The following AMOTL1 variants were observed in gnomAD, a reference collection of about 807,000 sequenced individuals.
AMOTL1 encodes the protein angiomotin-like protein 1.
Under a neutral mutation model 102.9 loss-of-function variants are expected in AMOTL1, and 45 were observed. The ratio of observed to expected loss-of-function variants is 0.44; its 90% CI spans 0.34 to 0.56. The LOEUF (loss-of-function observed/expected upper bound fraction) is 0.56, where lower values mean the gene tolerates loss of function less well. Among genes scored for constraint, AMOTL1 ranks in the 20% least tolerant of loss-of-function variants. The pLI, the probability that AMOTL1 is intolerant of heterozygous loss-of-function variation, is 0.01. For missense variants in AMOTL1, 1,114 were observed against 1,225.6 expected (o/e 0.91, Z 1.36); for synonymous variants, 481 against 484.7 (o/e 0.99, Z 0.10).
intron 6 of AMOTL1, among the ~76,000 whole-genome samples, chr11:94,849,680 T>C (rs544415957): frequency 1.3e-5 from 2 of 152,298 alleles, no homozygotes; most frequent in Admixed American, 6.5e-5. Flanking sequence ...AGAGCTTACC[T>C]CTCTGGACCT....
chr11:94,829,378 A>T (rs1158037867), intron 4 of AMOTL1, among the ~76,000 whole-genome samples: 1 of 151,892 alleles, frequency 6.6e-6, no homozygotes, highest in Non-Finnish European at 1.5e-5. Context: ...ACCCACCACC[A>T]TGCCCAGCTA....
intron 2 of AMOTL1, chr11:94,729,129 A>G: frequency 9.2e-7 from 1 of 1,089,504 alleles, no homozygotes; most frequent in Non-Finnish European, 1.2e-6. Flanking sequence ...AATCCACTGT[A>G]CTCAGTACGT....
chr11:94,825,617 G>A (rs1254988294), intron 4 of AMOTL1, among the ~76,000 whole-genome samples: 1 of 152,108 alleles, frequency 6.6e-6, no homozygotes, highest in African/African-American at 2.4e-5. Flanking sequence ...AGGTAAACTG[G>A]GATTCCCCTC....
intron 3 of AMOTL1, among the ~76,000 whole-genome samples, chr11:94,760,423 T>A (rs1950777814): frequency 1.3e-5 from 2 of 152,210 alleles, no homozygotes; most frequent in Admixed American, 1.3e-4. Flanking sequence ...CATCCCTGCA[T>A]CCTCAGCACA....
rs116292701 is a variant in AMOTL1 at position 94,760,865 on chromosome 11, C to T, written c.136+19877C>T. 5.3e-3 allele frequency among the ~76,000 whole-genome samples: 802 copies of T among 152,232 alleles called. 8 individuals carry two copies. Among genetic ancestry groups the T allele is most frequent in the African/African-American group, 0.018 (767 of 41,546 alleles). On this transcript the variant is annotated intron_variant, in intron 3 of 4. Coordinates refer to the AMOTL1 transcript ENST00000299004. ...GGGAACAGGGTGTCATTCTGTCATCCAGGCTGGAGTGCAATGGTGCCATCC... is the reference window on the plus strand; with the variant it reads ...GGGAACAGGGTGTCATTCTGTCATCTAGGCTGGAGTGCAATGGTGCCATCC...
intron 1 of AMOTL1, among the ~76,000 whole-genome samples, chr11:94,773,558 T>C (rs1299066357): frequency 6.6e-6 from 1 of 152,220 alleles, no homozygotes; most frequent in African/African-American, 2.4e-5. Flanking sequence ...TGTGATGTAC[T>C]GTGGGTGCTC....
At chr11:94,744,032 G>A (rs1003017675) in intron 3 of AMOTL1, among the ~76,000 whole-genome samples, 3 of 152,028 alleles carry the variant, frequency 2.0e-5, no homozygotes, top group Non-Finnish European at 4.4e-5. Context: ...ATATTTTGCA[G>A]CCACCAACCA....
At chr11:94,775,810 T>A (rs545069831) in intron 1 of AMOTL1, among the ~76,000 whole-genome samples, 1 of 152,188 alleles carries the variant, frequency 6.6e-6, no homozygotes, top group Admixed American at 6.5e-5. Context: ...ACATCTCCCT[T>A]GGAGGGCTGG....
At chr11:94,808,928 C>T (rs1951615488) in intron 3 of AMOTL1, among the ~76,000 whole-genome samples, 1 of 150,752 alleles carries the variant, frequency 6.6e-6, no homozygotes, top group African/African-American at 2.4e-5. Context: ...GAGGTATTTT[C>T]CTTTTCTACC....
chr11:94,729,109 T>A, intron 2 of AMOTL1: 1 of 1,206,338 alleles, frequency 8.3e-7, no homozygotes, highest in South Asian at 1.3e-5. Flanking sequence ...CTTCTGCACC[T>A]CATTATGTCA....
At chr11:94,724,310 G>T (rs1950221101) in intron 1 of AMOTL1, among the ~76,000 whole-genome samples, 1 of 152,132 alleles carries the variant, frequency 6.6e-6, no homozygotes, top group African/African-American at 2.4e-5. Context: ...CAAGGGGCAG[G>T]AGTTCCGGGA....
At chr11:94,812,092 C>T (rs1401676295) in intron 3 of AMOTL1, among the ~76,000 whole-genome samples, 2 of 152,168 alleles carry the variant, frequency 1.3e-5, no homozygotes, top group Non-Finnish European at 2.9e-5. Context: ...GTTGCCAGGC[C>T]TCAGCAAATT....
chr11:94,870,832 C>A lies in AMOTL1; in HGVS notation c.*37C>A. The A allele has an allele frequency of 6.6e-7, 1 of 1,508,116 alleles. No individual in the cohort carries two copies. Among genetic ancestry groups the A allele is most frequent in the Non-Finnish European group, 9.0e-7 (1 of 1,110,208 alleles). 93.4% of individuals were successfully genotyped at this position (1,508,116 alleles called of 1,614,324 possible). A position where few individuals can be genotyped will look rare whatever the true frequency, so the allele number is the denominator to read the frequency against. On this transcript the variant is annotated 3_prime_UTR_variant, in exon 13 of 13. Transcript: ENST00000433060. Reference sequence around the variant, plus strand: ...GTGGAATTTCAGTACAGAACACTGACAAACAAGGAAAGCGGCAGAGAAAGA... The same window carrying A: ...GTGGAATTTCAGTACAGAACACTGAAAAACAAGGAAAGCGGCAGAGAAAGA...
At chr11:94,852,387 A>G (rs1952560705) in intron 7 of AMOTL1, among the ~76,000 whole-genome samples, 3 of 152,376 alleles carry the variant, frequency 2.0e-5, no homozygotes, top group South Asian at 4.1e-4. Context: ...CTAAATCACT[A>G]GCATGTTCCA....
chr11:94,770,107 A>G (rs1382182390), intron 1 of AMOTL1, among the ~76,000 whole-genome samples: 1 of 152,150 alleles, frequency 6.6e-6, no homozygotes, highest in East Asian at 1.9e-4. Context: ...CAAACTGGCT[A>G]AGATTTCCCC....
intron 1 of AMOTL1, among the ~76,000 whole-genome samples, chr11:94,783,048 C>T (rs2135535178): frequency 6.6e-6 from 1 of 152,022 alleles, no homozygotes; most frequent in East Asian, 1.9e-4. Flanking sequence ...TCATTGGGTC[C>T]TCAATAATTT....
intron 6 of AMOTL1, among the ~76,000 whole-genome samples, chr11:94,841,708 A>G (rs1248600236): frequency 6.6e-6 from 1 of 152,224 alleles, no homozygotes; most frequent in Non-Finnish European, 1.5e-5. Flanking sequence ...GTTGAACAGT[A>G]CATTTGGAAG....
At chr11:94,734,753 G>A (rs893832788) in intron 2 of AMOTL1, among the ~76,000 whole-genome samples, 12 of 152,174 alleles carry the variant, frequency 7.9e-5, no homozygotes, top group African/African-American at 2.9e-4. Context: ...TACCTGCAGA[G>A]AAGATGATCA....
intron 1 of AMOTL1, among the ~76,000 whole-genome samples, chr11:94,791,636 C>T (rs567602070): frequency 6.6e-6 from 1 of 152,280 alleles, no homozygotes; most frequent in Admixed American, 6.5e-5. Flanking sequence ...AAAACTGGCA[C>T]CATTGCTCAG....
Sources: allele counts gnomAD v4.1 joint callset (sites outside exome capture counted in the v4.1 genomes callset), GRCh38; gene constraint gnomAD v4.1.1; transcripts MANE v1.5; gene names NCBI Gene and HGNC (gene_info 2026-07-23, HGNC 2026-07-21).